The following BMAL1 variants were observed in gnomAD, a reference collection of about 807,000 sequenced individuals.
BMAL1 encodes basic helix-loop-helix ARNT like 1.
chr11:13,381,311 G>A, the BMAL1 span: 2 of 1,550,346 alleles, frequency 1.3e-6, no homozygotes, highest in African/African-American at 1.4e-5. Context: ...GATCTGAAAT[G>A]TTGGGGGTGG....
chr11:13,337,802 G>T, the BMAL1 span, among the ~76,000 whole-genome samples: 1 of 152,128 alleles, frequency 6.6e-6, no homozygotes, highest in Admixed American at 6.5e-5. Context: ...ATTTATAAGA[G>T]ATTTTGTTTT....
At chr11:13,299,801 G>T in the BMAL1 span, among the ~76,000 whole-genome samples, 2 of 152,148 alleles carry the variant, frequency 1.3e-5, no homozygotes, top group East Asian at 3.9e-4. Context: ...CAGTTTCTTG[G>T]TTCACTTTCT....
At chr11:13,355,745 CTG>C in the BMAL1 span, among the ~76,000 whole-genome samples, 2 of 151,984 alleles carry the variant, frequency 1.3e-5, no homozygotes, top group Non-Finnish European at 2.9e-5. Context: ...TGCGTGATCT[CTG>C]AACTTTAGAA....
the BMAL1 span, chr11:13,373,983 T>C: frequency 3.5e-6 from 3 of 865,824 alleles, no homozygotes; most frequent in Admixed American, 2.2e-5. Flanking sequence ...CTCTTTTGCC[T>C]GCAGCTTTGA....
the BMAL1 span, among the ~76,000 whole-genome samples, chr11:13,293,571 G>GA: frequency 6.6e-6 from 1 of 152,194 alleles, no homozygotes; most frequent in Admixed American, 6.5e-5. Flanking sequence ...AAAGAGTTGG[G>GA]AAAAATGCAT....
the BMAL1 span, among the ~76,000 whole-genome samples, chr11:13,336,643 G>A: frequency 1.3e-5 from 2 of 152,218 alleles, no homozygotes; most frequent in Admixed American, 6.5e-5. Context: ...GAGAGCAACC[G>A]TCACTAGGGA....
At chr11:13,281,520 A>AT in the BMAL1 span, among the ~76,000 whole-genome samples, 42 of 151,764 alleles carry the variant, frequency 2.8e-4, no homozygotes, top group Admixed American at 1.2e-3. Flanking sequence ...CCTTTGCAGT[A>AT]TTTCTTTTAT....
At chr11:13,355,319 G>C in the BMAL1 span, 1 of 1,611,448 alleles carries the variant, frequency 6.2e-7, no homozygotes, top group Non-Finnish European at 8.5e-7. Context: ...AGATGATTAA[G>C]ACAGCCAACA....
chr11:13,366,600 A>G, the BMAL1 span: 7 of 1,392,450 alleles, frequency 5.0e-6, no homozygotes, highest in South Asian at 2.4e-5. Flanking sequence ...GTGCATGCTT[A>G]CTTGTTGCAT....
chr11:13,370,501 T>C, the BMAL1 span, among the ~76,000 whole-genome samples: 141,510 of 152,324 alleles, frequency 0.93, 66,661 homozygotes, highest in East Asian at 1. Context: ...GCACTGCCAT[T>C]CAGCTGGCTG....
the BMAL1 span, among the ~76,000 whole-genome samples, chr11:13,301,188 G>T: frequency 6.6e-6 from 1 of 152,110 alleles, no homozygotes; most frequent in African/African-American, 2.4e-5. Context: ...ACCTGCCTCG[G>T]CCTCCCAAAG....
chr11:13,303,506 G>A, the BMAL1 span, among the ~76,000 whole-genome samples: 1 of 152,172 alleles, frequency 6.6e-6, no homozygotes, highest in African/African-American at 2.4e-5. Flanking sequence ...AAATTGTTAG[G>A]TTAACAAACA....
At chr11:13,381,310 T>C in the BMAL1 span, 2 of 1,564,500 alleles carry the variant, frequency 1.3e-6, no homozygotes, top group African/African-American at 2.7e-5. Flanking sequence ...AGATCTGAAA[T>C]GTTGGGGGTG....
the BMAL1 span, among the ~76,000 whole-genome samples, chr11:13,294,845 G>A: frequency 4.6e-5 from 7 of 152,150 alleles, no homozygotes; most frequent in East Asian, 3.8e-4. Context: ...GGCCCCTGCC[G>A]TTTCCAGTGT....
chr11:13,381,612 A>G, the BMAL1 span, among the ~76,000 whole-genome samples: 1 of 152,138 alleles, frequency 6.6e-6, no homozygotes, highest in Non-Finnish European at 1.5e-5. Flanking sequence ...TTCAAGGGAG[A>G]AAATATTAGT....
At chr11:13,314,238 C>A in the BMAL1 span, among the ~76,000 whole-genome samples, 2 of 150,330 alleles carry the variant, frequency 1.3e-5, no homozygotes, top group African/African-American at 4.9e-5. Flanking sequence ...ACCACACACA[C>A]ACACACACAC....
the BMAL1 span, among the ~76,000 whole-genome samples, chr11:13,364,832 T>TTGTCTCACTTG: frequency 0.23 from 35,391 of 152,022 alleles, 5,357 homozygotes; most frequent in African/African-American, 0.43. Flanking sequence ...TTTGCTTTTC[T>TTGTCTCACTTG]GAATGCAAAT....
At chr11:13,284,199 T>TAC in the BMAL1 span, among the ~76,000 whole-genome samples, 1 of 36,868 alleles carries the variant, frequency 2.7e-5, no homozygotes, top group South Asian at 1.1e-3. Flanking sequence ...TATATGTGTG[T>TAC]ATATATATAT....
the BMAL1 span, among the ~76,000 whole-genome samples, chr11:13,293,700 A>G: frequency 6.6e-6 from 1 of 152,292 alleles, no homozygotes; most frequent in African/African-American, 2.4e-5. Context: ...ACACATGGGC[A>G]GACGCCTGCA....
Sources: allele counts gnomAD v4.1 joint callset (sites outside exome capture counted in the v4.1 genomes callset), GRCh38; gene constraint gnomAD v4.1.1; transcripts MANE v1.5; gene names NCBI Gene and HGNC (gene_info 2026-07-23, HGNC 2026-07-21).